The following NRG1 variants were observed in gnomAD, a reference collection of about 807,000 sequenced individuals.
NRG1 encodes pro-neuregulin-1, membrane-bound isoform.
In NRG1, 18 loss-of-function variants were observed where a neutral mutation model predicts 63.8. The observed-to-expected ratio is 0.28, with a 90% CI of 0.19 to 0.42. The LOEUF (loss-of-function observed/expected upper bound fraction) is 0.42, where lower values mean the gene tolerates loss of function less well. NRG1 is among the 10% of genes least tolerant of loss of function. The pLI, the probability that NRG1 is intolerant of heterozygous loss-of-function variation, is 1.00. For synonymous variants in NRG1, 302 were observed against 301.3 expected, an observed-to-expected ratio of 1.00 and a Z score of -0.02; for missense variants, 762 against 814.7, an observed-to-expected ratio of 0.94 and a Z score of 0.79.
At chr8:32,448,543 T>C (rs1820558707) in intron 1 of NRG1, among the ~76,000 whole-genome samples, 1 of 152,200 alleles carries the variant, frequency 6.6e-6, no homozygotes, top group Non-Finnish European at 1.5e-5. Flanking sequence ...TGTTTTCTTT[T>C]ATTTCTTTTT....
At chr8:32,710,638 T>A (rs2128981395) in intron 5 of NRG1, among the ~76,000 whole-genome samples, 1 of 152,314 alleles carries the variant, frequency 6.6e-6, no homozygotes, top group South Asian at 2.1e-4. Flanking sequence ...GCATATTTTT[T>A]AAAAGGAAAA....
chr8:32,173,603 G>T (rs534996985), intron 1 of NRG1, among the ~76,000 whole-genome samples: 1 of 152,052 alleles, frequency 6.6e-6, no homozygotes, highest in Non-Finnish European at 1.5e-5. Flanking sequence ...CCCATCTCAC[G>T]TGCAGAGACA....
chr8:31,698,167 T>A (rs1051600552), intron 1 of NRG1, among the ~76,000 whole-genome samples: 18 of 152,188 alleles, frequency 1.2e-4, no homozygotes, highest in African/African-American at 3.9e-4. Context: ...TAGAAAGGTA[T>A]AATATGCTTA....
At chr8:31,833,885 A>G (rs1036828082) in intron 1 of NRG1, among the ~76,000 whole-genome samples, 7 of 152,182 alleles carry the variant, frequency 4.6e-5, no homozygotes, top group African/African-American at 1.7e-4. Context: ...TCTTTGCTTC[A>G]AGGGAACGAG....
intron 1 of NRG1, among the ~76,000 whole-genome samples, chr8:32,438,824 T>C (rs1158179596): frequency 3.9e-5 from 6 of 152,188 alleles, no homozygotes; most frequent in Admixed American, 2.6e-4. Context: ...TTTGCATCTG[T>C]ATATCTTCTT....
At chr8:31,941,813 C>T (rs917926736) in intron 1 of NRG1, among the ~76,000 whole-genome samples, 7 of 151,936 alleles carry the variant, frequency 4.6e-5, no homozygotes, top group East Asian at 1.9e-4. Context: ...AAATAAAATA[C>T]ATAGGAATAT....
At chr8:31,691,077 G>C (rs1257829102) in intron 1 of NRG1, among the ~76,000 whole-genome samples, 2 of 152,112 alleles carry the variant, frequency 1.3e-5, no homozygotes, top group Admixed American at 6.6e-5. Context: ...GCAGAGATTA[G>C]GGTAAGAAGG....
chr8:32,186,958 C>T (rs371471059), intron 1 of NRG1, among the ~76,000 whole-genome samples: 2 of 152,264 alleles, frequency 1.3e-5, no homozygotes, highest in South Asian at 2.1e-4. Flanking sequence ...ATAGACTTCC[C>T]CCTACTGAGC....
chr8:31,800,520 C>T (rs557868090), intron 1 of NRG1, among the ~76,000 whole-genome samples: 1 of 152,126 alleles, frequency 6.6e-6, no homozygotes, highest in Non-Finnish European at 1.5e-5. Context: ...ACGATCTTCA[C>T]CTAATGAGAT....
chr8:32,770,909 A>C (rs1000171218), downstream of NRG1, among the ~76,000 whole-genome samples: 6 of 152,144 alleles, frequency 3.9e-5, no homozygotes, highest in Admixed American at 3.9e-4. Context: ...CAGTTCCTTA[A>C]GTTTTGGAAT....
At chr8:32,382,446 C>A (rs16879298) in intron 1 of NRG1, among the ~76,000 whole-genome samples, 13,077 of 152,010 alleles carry the variant, frequency 0.086, 641 homozygotes, top group African/African-American at 0.12. Flanking sequence ...ATGTGTTTGA[C>A]TGAGGGAAGT....
intron 1 of NRG1, among the ~76,000 whole-genome samples, chr8:31,833,377 T>G (rs1015702784): frequency 1.3e-5 from 2 of 152,220 alleles, no homozygotes; most frequent in Admixed American, 6.5e-5. Context: ...TGGAAGCAAC[T>G]GACACCTAAC....
intron 1 of NRG1, among the ~76,000 whole-genome samples, chr8:31,792,698 C>A (rs568179931): frequency 1.3e-5 from 2 of 152,190 alleles, no homozygotes; most frequent in Non-Finnish European, 2.9e-5. Context: ...TCTGGACTTA[C>A]GTCTTGGCCT....
chr8:32,413,866 G>T (rs1201114658), intron 1 of NRG1, among the ~76,000 whole-genome samples: 1 of 151,804 alleles, frequency 6.6e-6, no homozygotes, highest in Non-Finnish European at 1.5e-5. Flanking sequence ...CTGCCCCAGG[G>T]TGAACTGGGA....
At chr8:32,764,274 C>G in exon 12 of NRG1, 1 of 1,614,092 alleles carries the variant, frequency 6.2e-7, no homozygotes, top group Non-Finnish European at 8.5e-7. Context: ...GGCAGCCAGT[C>G]TTGAGGCAAC....
At chr8:31,876,283 G>A (rs1829914394) in intron 1 of NRG1, among the ~76,000 whole-genome samples, 1 of 152,116 alleles carries the variant, frequency 6.6e-6, no homozygotes, top group South Asian at 2.1e-4. Flanking sequence ...TGAAACTTCA[G>A]TTTCCCCATT....
chr8:32,226,160 CTT>C (rs1196263824), intron 1 of NRG1, among the ~76,000 whole-genome samples: 9 of 152,126 alleles, frequency 5.9e-5, no homozygotes, highest in African/African-American at 2.2e-4. Context: ...GAACATTTGA[CTT>C]TATATTTCCA....
intron 1 of NRG1, among the ~76,000 whole-genome samples, chr8:32,258,568 G>A (rs773755658): frequency 8.5e-5 from 13 of 152,266 alleles, no homozygotes; most frequent in Non-Finnish European, 1.2e-4. Context: ...CTCAGGAAAC[G>A]TACAGTTATG....
At chr8:32,052,232 A>G (rs1260005044) in intron 1 of NRG1, among the ~76,000 whole-genome samples, 1 of 150,102 alleles carries the variant, frequency 6.7e-6, no homozygotes, top group African/African-American at 2.4e-5. Flanking sequence ...GCTTTGTGCT[A>G]TACAACTATT....
Sources: gnomAD v4.1 joint callset for allele counts (sites outside exome capture counted in the v4.1 genomes callset) on GRCh38, gnomAD v4.1.1 for gene constraint, MANE v1.5 for transcripts, NCBI Gene and HGNC (gene_info 2026-07-23, HGNC 2026-07-21) for gene names.